The following NFRKB variants were observed in gnomAD, a reference collection of about 807,000 sequenced individuals.
NFRKB encodes nuclear factor related to kappa-B-binding protein.
NFRKB carries 62 observed loss-of-function variants against 135.7 expected under a neutral mutation model. That is an observed-to-expected ratio of 0.46 (90% confidence interval 0.37 to 0.56). The LOEUF (loss-of-function observed/expected upper bound fraction) is 0.56. NFRKB is among the 20% of genes least tolerant of loss of function. The pLI is 0.00. For synonymous variants in NFRKB, 678 were observed against 635.6 expected, an observed-to-expected ratio of 1.07 and a Z score of -1.00; for missense variants, 1,545 against 1,662.0, an observed-to-expected ratio of 0.93 and a Z score of 1.22.
intron 18 of NFRKB, 86 bp downstream of exon 18, chr11:129,875,271 A>G: frequency 4.3e-6 from 5 of 1,150,412 alleles, no homozygotes; most frequent in Non-Finnish European, 5.0e-6. Flanking sequence ...TCAGTTTTTA[A>G]AAATTTTGTT....
chr11:129,892,649 G>A (rs1949611186), intron 3 of NFRKB, 66 bp downstream of exon 3: 1 of 1,537,602 alleles, frequency 6.5e-7, no homozygotes, highest in Non-Finnish European at 9.0e-7. Flanking sequence ...GAGTGGAAAA[G>A]GTTTCCCACA....
In NFRKB at chr11:129,884,891, T is replaced by C. The variant is rs773549277; in HGVS notation, c.641-45A>G. 2.5e-6 allele frequency: 4 copies of C among 1,613,598 alleles called. No individual in the cohort carries two copies. The African/African-American group carries it at 5.3e-5, about 22-fold the overall frequency. On this transcript the variant is annotated intron_variant, in intron 6 of 26. Coordinates refer to ENST00000682444, the MANE Select transcript of NFRKB (RefSeq NM_001143835.2). ...TTGTAAATCCAACGTGGCTGTGGAC[T>C]CCAATAGGGGAGATTGGGTAAGTGG...
chr11:129,885,569 G>T lies in NFRKB; in HGVS notation c.506C>A (p.Pro169His). Residue 169 changes from proline (P) to histidine (H), a missense_variant, in exon 6 of 27, where the codon CCC becomes CAC. Coordinates refer to ENST00000682444, the MANE Select transcript of NFRKB (RefSeq NM_001143835.2). ...EMARRSGPALPFRQKRPSPSR... is the reference protein window; with the variant it reads ...EMARRSGPALHFRQKRPSPSR... ...TGGTGAAGGGCGTTTCTGCCGGAAGGGAAGGGCGGGGCCACTCCGCCGGGC... is the reference window on the plus strand; with the variant it reads ...TGGTGAAGGGCGTTTCTGCCGGAAGTGAAGGGCGGGGCCACTCCGCCGGGC... 1 of 1,613,790 alleles carries T rather than the reference G, an allele frequency of 6.2e-7. No individual in the cohort carries two copies. Among genetic ancestry groups the T allele is most frequent in the Non-Finnish European group, 8.5e-7 (1 of 1,179,720 alleles).
rs765336958 is a variant in NFRKB at position 129,874,955 on chromosome 11, C to G, written c.1855-39G>C. 5.0e-6 allele frequency: 8 copies of G among 1,611,780 alleles called. No homozygotes were observed. The South Asian group carries it at 8.8e-5, about 18-fold the overall frequency. ...AAAGGGAAATAAGAAACAAGTCAAGCTTAGATAACAGAAGTTATTTGAACT... is the reference window on the plus strand; with the variant it reads ...AAAGGGAAATAAGAAACAAGTCAAGGTTAGATAACAGAAGTTATTTGAACT... On this transcript the variant is annotated intron_variant, in intron 18 of 26. Coordinates refer to ENST00000682444, the MANE Select transcript of NFRKB (RefSeq NM_001143835.2). The surrounding 1 kb of genome is among the most constrained non-coding windows in gnomAD (Gnocchi z 4.5).
intron 8 of NFRKB, 90 bp downstream of exon 8, chr11:129,883,980 G>A (rs1949150781): frequency 7.6e-6 from 10 of 1,320,892 alleles, no homozygotes; most frequent in South Asian, 5.9e-5. Context: ...ACATACAGAC[G>A]AGGCAGTGAT....
chr11:129,886,520 G>A, intron 4 of NFRKB, 76 bp from the exon 5 acceptor site: 7 of 1,350,260 alleles, frequency 5.2e-6, no homozygotes, highest in Non-Finnish European at 6.3e-6. Context: ...TATTGAATGA[G>A]TGCTTAACAT....
chr11:129,869,720 C>A lies in NFRKB; in HGVS notation c.3305G>T (p.Gly1102Val), dbSNP rs778274307. 1 of 1,614,230 alleles carries A rather than the reference C, an allele frequency of 6.2e-7. No homozygotes were observed. The highest frequency in any genetic ancestry group is 1.7e-5 in the Admixed American group (1 of 60,036). Residue 1102 changes from glycine (G) to valine (V), a missense_variant, in exon 24 of 27, where the codon GGC (glycine) becomes GTC (valine). Physicochemically the swap from Gly to Val is moderately radical, Grantham distance 109. Around this residue, in one of 3 missense-constraint regions of NFRKB, gnomAD observed 753 missense variants for 804.3 expected, o/e 0.94. Transcript: ENST00000682444. The part of the protein sequence containing the change: ...QGLGVMPPKA[G>V]QTITVATHAK... The stretch of plus-strand genomic sequence containing the variant: ...GTGGGTTGCAACGGTGATGGTCTGG[C>A]CTGCTTTGGGAGGCATCACTCCCAG...
Position 129,865,902 on chromosome 11 carries a change from T to G in NFRKB, c.3613A>C (p.Ile1205Leu), listed in dbSNP as rs371917436. ...TTGGCTCCAAGGTTGCCTTTGATGA[T>G]GGGGGCTGTGACCACGCTCTTGCCC... ...MKGKSVVTAP[I>L]IKGNLGANLS... Residue 1205 changes from isoleucine to leucine, a missense_variant, in exon 25 of 27, where the codon ATC becomes CTC. Coordinates refer to ENST00000682444, the MANE Select transcript of NFRKB (RefSeq NM_001143835.2). 1.3e-5 allele frequency: 21 copies of G among 1,613,846 alleles called. No individual in the cohort carries two copies. In the African/African-American group the frequency reaches 2.5e-4, roughly 20 times the overall value.
Position 129,874,328 on chromosome 11 carries a change from G to A in NFRKB, c.2064C>T (p.Ser688=), listed in dbSNP as rs763950611. 1 of 1,517,848 alleles carries A rather than the reference G, an allele frequency of 6.6e-7. No individual in the cohort carries two copies. The highest frequency in any genetic ancestry group is 2.3e-5 in the East Asian group (1 of 44,068). 94.0% of individuals were successfully genotyped at this position (1,517,848 alleles called of 1,614,324 possible). The change falls in exon 21 of 27, where the codon TCC becomes TCT. Residue 688 remains serine, a synonymous_variant. Coordinates refer to ENST00000682444, the MANE Select transcript of NFRKB (RefSeq NM_001143835.2). The surrounding 1 kb of genome is among the most constrained non-coding windows in gnomAD (Gnocchi z 4.5). ...QKPKPPSKVK[S]SSKESSIKVL... ...CCTTTATGGAGCTCTCCTTGCTACTGGACTTCTAGAACGGAAGACAAAGAA... is the reference window on the plus strand; with the variant it reads ...CCTTTATGGAGCTCTCCTTGCTACTAGACTTCTAGAACGGAAGACAAAGAA...
At chr11:129,885,021 G>T in intron 6 of NFRKB, 175 bp from the exon 7 acceptor site, 1 of 867,180 alleles carries the variant, frequency 1.2e-6, no homozygotes, top group Non-Finnish European at 1.7e-6. Context: ...GTCATCTAAC[G>T]GCTCTTCCAG....
At position 129,869,627 on chromosome 11, in the gene NFRKB, C is replaced by T. The variant is rs1948394141; in HGVS notation, c.3398G>A (p.Ser1133Asn). The change falls in exon 24 of 27, where the codon AGT becomes AAT. Residue 1133 changes from serine to asparagine, a missense_variant. By Grantham distance (46) the Ser-to-Asn change is conservative. Around this residue, in one of 3 missense-constraint regions of NFRKB, gnomAD observed 753 missense variants for 804.3 expected, o/e 0.94. Coordinates refer to ENST00000682444, the MANE Select transcript of NFRKB (RefSeq NM_001143835.2). Reference protein sequence around the residue: ...TVHTSAVSLPSMNAAVSKTVA... With the variant: ...TVHTSAVSLPNMNAAVSKTVA... Reference sequence around the variant, plus strand: ...AGTCTTGGACACAGCAGCATTCATACTGGGTAAGGACACCGCTGAAGTATG... The same window carrying T: ...AGTCTTGGACACAGCAGCATTCATATTGGGTAAGGACACCGCTGAAGTATG... 4 of 1,614,120 alleles carry T rather than the reference C, an allele frequency of 2.5e-6. No individual in the cohort carries two copies. Among genetic ancestry groups the T allele is most frequent in the Non-Finnish European group, 3.4e-6 (4 of 1,180,056 alleles).
intron 23 of NFRKB, 119 bp downstream of exon 23, chr11:129,872,765 G>A: frequency 9.8e-7 from 1 of 1,023,618 alleles, no homozygotes; most frequent in South Asian, 1.6e-5. Flanking sequence ...TATAAGCTGA[G>A]AGTCGAAGAT....
At position 129,865,872 on chromosome 11, in the gene NFRKB, C is replaced by T. The variant is rs1031038262; in HGVS notation, c.3638+5G>A. On this transcript the variant is annotated splice_donor_5th_base_variant and intron_variant, in intron 25 of 26. Coordinates refer to ENST00000682444, the MANE Select transcript of NFRKB (RefSeq NM_001143835.2). ...TTGGTTCCTTTACCATGACATAGTA[C>T]TTACTTGGCTCCAAGGTTGCCTTTG... The T allele has an allele frequency of 1.3e-5, 21 of 1,613,818 alleles. No homozygotes were observed. The highest frequency in any genetic ancestry group is 1.7e-5 in the Admixed American group (1 of 59,992).
chr11:129,892,782 G>C lies in NFRKB; in HGVS notation c.68C>G (p.Thr23Arg), dbSNP rs369458984. ...CAGGAGGCAATCCTCCATGATGCGC[G>C]TGCCATGGCCATCTCCACACGGACC... ...ELGPCGDGHG[T>R]RIMEDCLLGG... Residue 23 changes from threonine to arginine, a missense_variant, in exon 3 of 27, where the codon ACG (threonine) becomes AGG (arginine). By Grantham distance (71) the Thr-to-Arg change is moderately conservative (BLOSUM62 -1). Transcript: ENST00000682444. 6.2e-7 allele frequency: 1 copy of C among 1,614,168 alleles called. No homozygotes were observed. Among genetic ancestry groups the C allele is most frequent in the South Asian group, 1.1e-5 (1 of 91,086 alleles).
intron 5 of NFRKB, 110 bp from the exon 6 acceptor site, chr11:129,885,719 T>A: frequency 1.1e-6 from 1 of 933,808 alleles, no homozygotes. Context: ...CCCAACTCCC[T>A]CCCTCCAGAT....
At chr11:129,883,964 G>C in intron 8 of NFRKB, 106 bp downstream of exon 8, 1 of 1,164,856 alleles carries the variant, frequency 8.6e-7, no homozygotes, top group Non-Finnish European at 1.3e-6. Context: ...CACAGTGGTA[G>C]GGAGGACATA....
chr11:129,880,018 C>T (rs1377600890), intron 13 of NFRKB, among the ~76,000 whole-genome samples: 1 of 152,064 alleles, frequency 6.6e-6, no homozygotes, highest in Non-Finnish European at 1.5e-5. Context: ...GAAACCTTGT[C>T]TCTACTAAAG....
chr11:129,886,273 C>G, intron 5 of NFRKB, 44 bp downstream of exon 5: 1 of 1,582,452 alleles, frequency 6.3e-7, no homozygotes, highest in South Asian at 1.1e-5. Flanking sequence ...GTCATGATAC[C>G]TGTGACTGCC....
chr11:129,885,822 T>C (rs1322226725), intron 5 of NFRKB, among the ~76,000 whole-genome samples: 1 of 152,258 alleles, frequency 6.6e-6, no homozygotes, highest in African/African-American at 2.4e-5. Flanking sequence ...AGTGCTCTAC[T>C]AGGAATGAAT....
Sources: gnomAD v4.1 joint callset for allele counts (sites outside exome capture counted in the v4.1 genomes callset) on GRCh38, gnomAD v4.1.1 for gene constraint, gnomAD v4.1.1 regional missense constraint, Gnocchi (gnomAD v3.1) non-coding constraint, MANE v1.5 for transcripts, NCBI Gene and HGNC (gene_info 2026-07-23, HGNC 2026-07-21) for gene names.